MAN1C1: variants seen among roughly 807,000 people sequenced by gnomAD.
The protein encoded by MAN1C1 is mannosyl-oligosaccharide 1,2-alpha-mannosidase IC.
A neutral mutation model predicts 71.5 loss-of-function variants in MAN1C1; 49 were observed. The observed-to-expected ratio is 0.69, with a 90% CI of 0.54 to 0.87. MAN1C1 has a LOEUF of 0.87. MAN1C1 is among the 40% of genes least tolerant of loss of function. The probability of loss-of-function intolerance (pLI) is 0.00; values close to 1 mark genes in which losing one functional copy is unlikely to be tolerated. For missense variants in MAN1C1, 743 were observed against 835.0 expected, an observed-to-expected ratio of 0.89 and a Z score of 1.36; for synonymous variants, 352 against 343.7, an observed-to-expected ratio of 1.02 and a Z score of -0.27.
intron 1 of MAN1C1, among the ~76,000 whole-genome samples, chr1:25,640,332 C>T (rs541354730): frequency 2.6e-4 from 39 of 152,248 alleles, no homozygotes; most frequent in African/African-American, 8.7e-4. Context: ...TTGGAATGAA[C>T]TTTTGAGAGG....
intron 1 of MAN1C1, among the ~76,000 whole-genome samples, chr1:25,669,864 G>A (rs1320275169): frequency 1.3e-5 from 2 of 152,180 alleles, no homozygotes; most frequent in Non-Finnish European, 2.9e-5. Flanking sequence ...AAGAAACAAG[G>A]CCCTTTACTA....
At chr1:25,693,458 G>A (rs1202916879) in intron 2 of MAN1C1, among the ~76,000 whole-genome samples, 3 of 152,238 alleles carry the variant, frequency 2.0e-5, no homozygotes, top group East Asian at 1.9e-4. Flanking sequence ...GGTGAAACCC[G>A]TCTCTACTAA....
chr1:25,705,274 A>C (rs2046505403), intron 2 of MAN1C1, among the ~76,000 whole-genome samples: 1 of 152,268 alleles, frequency 6.6e-6, no homozygotes, highest in Non-Finnish European at 1.5e-5. Flanking sequence ...AAAAGGAAGA[A>C]AGGAAAGAGA....
At chr1:25,772,846 C>T (rs1224895076) in intron 8 of MAN1C1, among the ~76,000 whole-genome samples, 2 of 152,190 alleles carry the variant, frequency 1.3e-5, no homozygotes, top group African/African-American at 2.4e-5. Flanking sequence ...CCCTGGGCAC[C>T]AGTCTTCCTG....
At chr1:25,706,799 C>T (rs1021217142) in intron 2 of MAN1C1, among the ~76,000 whole-genome samples, 1 of 152,228 alleles carries the variant, frequency 6.6e-6, no homozygotes, top group African/African-American at 2.4e-5. Flanking sequence ...CAGAGCCCTC[C>T]TCTCATGACC....
Position 25,782,746 on chromosome 1 carries a change from A to G in MAN1C1, c.1766+46A>G, listed in dbSNP as rs12567324. 0.63 allele frequency: 933,256 copies of G among 1,470,504 alleles called. 297,064 individuals are homozygous for G. Among genetic ancestry groups the G allele is most frequent in the East Asian group, 0.73 (32,046 of 43,978 alleles). 91.1% of individuals were successfully genotyped at this position (1,470,504 alleles called of 1,614,324 possible). On this transcript the variant is annotated intron_variant, in intron 11 of 11. Coordinates refer to ENST00000374332, the MANE Select transcript of MAN1C1 (RefSeq NM_020379.4). The surrounding 1 kb of genome is among the most constrained non-coding windows in gnomAD (Gnocchi z 4.4). ...CTAGGGATGGACAGGTGGGAGGTTGAGGGTAGGGGTCCGCAGTCCCTCCCC... is the reference window on the plus strand; with the variant it reads ...CTAGGGATGGACAGGTGGGAGGTTGGGGGTAGGGGTCCGCAGTCCCTCCCC...
At position 25,657,519 on chromosome 1, in the gene MAN1C1, A is replaced by T. The variant is rs192057697; in HGVS notation, c.541-28921A>T. Among the ~76,000 whole-genome samples, 1,121 of 152,334 alleles carry T rather than the reference A, an allele frequency of 7.4e-3. 5 individuals carry two copies. Among genetic ancestry groups the T allele is most frequent in the Non-Finnish European group, 0.011 (751 of 68,030 alleles). ...ACAGAAGCAATTTATGCTCCTCATT[A>T]TTCTTTAGCAAGAAATAATTTCCTA... On this transcript the variant is annotated intron_variant, in intron 1 of 11. Coordinates refer to ENST00000374332, the MANE Select transcript of MAN1C1 (RefSeq NM_020379.4).
intron 1 of MAN1C1, among the ~76,000 whole-genome samples, chr1:25,648,004 C>T (rs994750352): frequency 1.2e-4 from 18 of 152,164 alleles, no homozygotes; most frequent in Admixed American, 9.8e-4. Context: ...ACCATGAGCC[C>T]ACAGCAGCCC....
Position 25,752,876 on chromosome 1 carries a change from G to C in MAN1C1, c.835-608G>C, listed in dbSNP as rs185464970. Among the ~76,000 whole-genome samples the C allele has an allele frequency of 1.9e-4, 29 of 152,352 alleles. No individual in the cohort carries two copies. The East Asian group carries it at 5.6e-3, about 29-fold the overall frequency. On this transcript the variant is annotated intron_variant, in intron 4 of 11. Coordinates refer to ENST00000374332, the MANE Select transcript of MAN1C1 (RefSeq NM_020379.4). ...CAGGATGTCAAAGCGGGACAGGCCT[G>C]TCCACTGCTCTTACGCAGGAAGAGG...
At chr1:25,763,725 C>T (rs1413449978) in intron 6 of MAN1C1, 149 bp from the exon 7 acceptor site, 2 of 659,944 alleles carry the variant, frequency 3.0e-6, no homozygotes, top group Non-Finnish European at 5.4e-6. Flanking sequence ...CGGGTTGGAG[C>T]CTGCAGTCCG....
intron 2 of MAN1C1, among the ~76,000 whole-genome samples, chr1:25,716,917 T>C (rs1310457311): frequency 1.3e-5 from 2 of 152,236 alleles, no homozygotes; most frequent in Non-Finnish European, 2.9e-5. Flanking sequence ...TTCCTTAGAA[T>C]CACACAGTGT....
chr1:25,738,579 G>A (rs561052097), intron 2 of MAN1C1, among the ~76,000 whole-genome samples: 2 of 152,322 alleles, frequency 1.3e-5, no homozygotes, highest in East Asian at 3.9e-4. Flanking sequence ...GCTTGTCTCT[G>A]TGCAGTCATG....
At chr1:25,756,945 C>G (rs1183131543) in intron 5 of MAN1C1, among the ~76,000 whole-genome samples, 1 of 152,090 alleles carries the variant, frequency 6.6e-6, no homozygotes, top group African/African-American at 2.4e-5. Context: ...GCAACCCATC[C>G]CTCCCCCACT....
At chr1:25,702,061 A>C (rs990599503) in intron 2 of MAN1C1, among the ~76,000 whole-genome samples, 10 of 152,188 alleles carry the variant, frequency 6.6e-5, no homozygotes, top group Non-Finnish European at 1.2e-4. Context: ...TGCTGTCTCA[A>C]AAAATAAATA....
chr1:25,742,520 A>G (rs2047076094), intron 2 of MAN1C1, among the ~76,000 whole-genome samples: 1 of 152,104 alleles, frequency 6.6e-6, no homozygotes, highest in South Asian at 2.1e-4. Context: ...ATGTAGTTGC[A>G]CCCCAAGGCC....
chr1:25,693,737 GAC>G (rs2046336107), intron 2 of MAN1C1, among the ~76,000 whole-genome samples: 2 of 152,202 alleles, frequency 1.3e-5, no homozygotes, highest in African/African-American at 4.8e-5. Flanking sequence ...CAGTGTGATG[GAC>G]AGAGAGGAGA....
rs565841454 is a variant in MAN1C1, at chr1:25,783,633, TCTTG to T, written c.1767-26_1767-23del. 1.5e-4 allele frequency: 238 copies of T among 1,607,024 alleles called. 2 individuals carry two copies. The South Asian group carries it at 2.4e-3, about 16-fold the overall frequency. On this transcript the variant is annotated intron_variant, in intron 11 of 11. Coordinates refer to ENST00000374332, the MANE Select transcript of MAN1C1 (RefSeq NM_020379.4). ...TTCCCCAGGCCACTGACAGACTGTGTCTTGCTTCCCTGCCCTGCGTGGGGCACAG... is the reference window on the plus strand; with the variant it reads ...TTCCCCAGGCCACTGACAGACTGTGTCTTCCCTGCCCTGCGTGGGGCACAG...
In MAN1C1 at chr1:25,618,355, A is replaced by G; in HGVS notation, c.540+18A>G. The stretch of plus-strand genomic sequence containing the variant: ...TCAAGGAGGTATGGACTCAGCCCCC[A>G]AACTCCTCCCACCAACTGCCCCCTC... On this transcript the variant is annotated intron_variant, in intron 1 of 11. Transcript: ENST00000374332. 6.3e-7 allele frequency: 1 copy of G among 1,585,104 alleles called. No homozygotes were observed. Among genetic ancestry groups the G allele is most frequent in the Non-Finnish European group, 8.6e-7 (1 of 1,168,890 alleles).
intron 2 of MAN1C1, among the ~76,000 whole-genome samples, chr1:25,687,693 G>A (rs923281024): frequency 2.6e-5 from 4 of 152,090 alleles, no homozygotes; most frequent in Non-Finnish European, 5.9e-5. Context: ...CAGTCAGATC[G>A]TCACCTGTCT....
Sources: gnomAD v4.1 joint callset for allele counts (sites outside exome capture counted in the v4.1 genomes callset) on GRCh38, gnomAD v4.1.1 for gene constraint, Gnocchi (gnomAD v3.1) non-coding constraint, MANE v1.5 for transcripts, NCBI Gene and HGNC (gene_info 2026-07-23, HGNC 2026-07-21) for gene names.